CHAT: variants seen among roughly 807,000 people sequenced by gnomAD.
CHAT encodes choline O-acetyltransferase.
Under a neutral mutation model 76.9 loss-of-function variants are expected in CHAT, and 61 were observed. The observed-to-expected ratio is 0.79, with a 90% CI of 0.65 to 0.98. CHAT has a LOEUF of 0.98. CHAT is among the 50% of genes least tolerant of loss of function. CHAT has a pLI of 0.00. For missense variants in CHAT, 946 were observed against 986.9 expected, an observed-to-expected ratio of 0.96 and a Z score of 0.56; for synonymous variants, 407 against 397.4, an observed-to-expected ratio of 1.02 and a Z score of -0.29.
At chr10:49,616,149 C>T in intron 1 of CHAT, 1 of 1,497,798 alleles carries the variant, frequency 6.7e-7, no homozygotes, top group Non-Finnish European at 9.3e-7. Context: ...TGGCAAAGCA[C>T]TTATCTATTG....
intron 7 of CHAT, among the ~76,000 whole-genome samples, chr10:49,638,124 G>A (rs1255102231): frequency 6.6e-6 from 1 of 152,124 alleles, no homozygotes; most frequent in Non-Finnish European, 1.5e-5. Context: ...AGTATGCTTG[G>A]TATAGATGCA....
intron 5 of CHAT, among the ~76,000 whole-genome samples, chr10:49,623,898 C>A (rs1838823712): frequency 1.3e-5 from 2 of 152,244 alleles, no homozygotes; most frequent in South Asian, 4.1e-4. Flanking sequence ...CCTCACAAGA[C>A]ATCACGTTCC....
upstream of CHAT, among the ~76,000 whole-genome samples, chr10:49,609,628 C>T (rs1838235998): frequency 6.6e-6 from 1 of 152,162 alleles, no homozygotes; most frequent in Non-Finnish European, 1.5e-5. Flanking sequence ...CCTCAGTCCC[C>T]ACAAGCTCCC....
chr10:49,657,316 T>C (rs1335210001), intron 13 of CHAT, among the ~76,000 whole-genome samples: 2 of 152,156 alleles, frequency 1.3e-5, no homozygotes, highest in Non-Finnish European at 2.9e-5. Context: ...GTACAGCCTC[T>C]TGTATAAGAG....
At chr10:49,648,710 A>G (rs1839765475) in intron 9 of CHAT, 103 bp downstream of exon 9, 1 of 708,974 alleles carries the variant, frequency 1.4e-6, no homozygotes, top group Non-Finnish European at 2.4e-6. Flanking sequence ...GATGAATTTG[A>G]AAAAAATGTG....
At chr10:49,631,456 C>A (rs1473566499) in intron 7 of CHAT, among the ~76,000 whole-genome samples, 1 of 152,212 alleles carries the variant, frequency 6.6e-6, no homozygotes, top group Non-Finnish European at 1.5e-5. Flanking sequence ...TTAAAGGTCC[C>A]ATCTCCAAAT....
intron 7 of CHAT, among the ~76,000 whole-genome samples, chr10:49,633,658 C>T (rs3793791): frequency 0.86 from 130,489 of 152,108 alleles, 56,631 homozygotes; most frequent in Non-Finnish European, 0.93. Context: ...GTTATCCTGG[C>T]CTGGAAATTT....
intron 1 of CHAT, among the ~76,000 whole-genome samples, chr10:49,615,193 A>G (rs1343309777): frequency 6.6e-6 from 1 of 151,960 alleles, no homozygotes; most frequent in South Asian, 2.1e-4. Flanking sequence ...GAGCAAAAGG[A>G]GGCATTGGCT....
At position 49,658,443 on chromosome 10, in the gene CHAT, G is replaced by A. The variant is rs142656970; in HGVS notation, c.1839+2995G>A. Among the ~76,000 whole-genome samples the A allele has an allele frequency of 2.7e-3, 417 of 152,324 alleles. 4 individuals are homozygous for A. The highest frequency in any genetic ancestry group is 9.7e-3 in the African/African-American group (402 of 41,558). ...TGAGGCAGGAGAATAGCTTGAACCCGGGAGGTGGAGGTTGCAGTGAGCCAA... is the reference window on the plus strand; with the variant it reads ...TGAGGCAGGAGAATAGCTTGAACCCAGGAGGTGGAGGTTGCAGTGAGCCAA... On this transcript the variant is annotated intron_variant, in intron 13 of 14. Transcript: ENST00000337653.
At chr10:49,636,244 T>C (rs1293483491) in intron 7 of CHAT, among the ~76,000 whole-genome samples, 4 of 152,172 alleles carry the variant, frequency 2.6e-5, no homozygotes, top group Non-Finnish European at 4.4e-5. Context: ...TTGTCAAATG[T>C]TTTTACTGTA....
chr10:49,633,215 C>T (rs938022676), intron 7 of CHAT, among the ~76,000 whole-genome samples: 2 of 152,284 alleles, frequency 1.3e-5, no homozygotes, highest in East Asian at 1.9e-4. Context: ...AACAGATTCC[C>T]GGGCCCCAGT....
chr10:49,612,463 CTTGACT>C, upstream of CHAT: 2 of 957,336 alleles, frequency 2.1e-6, no homozygotes, highest in South Asian at 3.4e-5. Flanking sequence ...ACTCCTCAAC[CTTGACT>C]TCTGCCCAAA....
At chr10:49,655,527 G>C in intron 13 of CHAT, 79 bp downstream of exon 13, 1 of 1,339,170 alleles carries the variant, frequency 7.5e-7, no homozygotes, top group Non-Finnish European at 1.1e-6. Context: ...CACGGCATAA[G>C]ACCCTGTGTG....
chr10:49,624,706 T>A (rs1411550857), intron 5 of CHAT, among the ~76,000 whole-genome samples: 1 of 149,872 alleles, frequency 6.7e-6, no homozygotes. Flanking sequence ...GCTGAAAGAG[T>A]GGAAGGAAGG....
rs1477755864 is a variant in CHAT, at chr10:49,619,717, T to C, written c.388-8T>C. 1 of 1,609,018 alleles carries C rather than the reference T, an allele frequency of 6.2e-7. No homozygotes were observed. Among genetic ancestry groups the C allele is most frequent in the Non-Finnish European group, 8.5e-7 (1 of 1,179,882 alleles). On this transcript the variant is annotated splice_region_variant and splice_polypyrimidine_tract_variant and intron_variant, in intron 2 of 14. Coordinates refer to ENST00000337653, the MANE Select transcript of CHAT (RefSeq NM_020549.5). Reference sequence around the variant, plus strand: ...AGAGGCACAATGCCTATGAACCCTTTCTTCCAGGGGCTGCCCAAACTGCCC... The same window carrying C: ...AGAGGCACAATGCCTATGAACCCTTCCTTCCAGGGGCTGCCCAAACTGCCC...
chr10:49,629,735 G>A (rs1006617186), intron 7 of CHAT, among the ~76,000 whole-genome samples: 5 of 152,206 alleles, frequency 3.3e-5, no homozygotes, highest in Admixed American at 2.6e-4. Context: ...GGACACATGC[G>A]CCTCCCCTTG....
In CHAT at chr10:49,655,233, G is replaced by GC; in HGVS notation, c.1775dup (p.Ala593SerfsTer3). On this transcript the variant is annotated frameshift_variant, in exon 12 of 15. Transcript: ENST00000337653. LOFTEE classifies it high-confidence loss of function. ...CCGTGACTGACCACAAGGCTGCTGT[G>GC]CCAGTAAGTCCCGCCCCACCCCACG... 3 of 1,614,018 alleles carry GC rather than the reference G, an allele frequency of 1.9e-6. No individual in the cohort carries two copies. The highest frequency in any genetic ancestry group is 2.5e-6 in the Non-Finnish European group (3 of 1,180,044).
chr10:49,614,032 C>A, upstream of CHAT: 1 of 1,333,702 alleles, frequency 7.5e-7, no homozygotes, highest in South Asian at 1.3e-5. Flanking sequence ...AGTGCGGTGA[C>A]TGGGAAATGC....
At chr10:49,649,775 C>A (rs752957849) in intron 10 of CHAT, 139 bp downstream of exon 10, 22 of 838,828 alleles carry the variant, frequency 2.6e-5, no homozygotes, top group Non-Finnish European at 4.0e-5. Context: ...GTCCCCATCC[C>A]TCATGTAGTC....
Sources: gnomAD v4.1 joint callset for allele counts (sites outside exome capture counted in the v4.1 genomes callset) on GRCh38, gnomAD v4.1.1 for gene constraint, MANE v1.5 for transcripts, NCBI Gene and HGNC (gene_info 2026-07-23, HGNC 2026-07-21) for gene names.